ZNF606: variants seen among roughly 807,000 people sequenced by gnomAD.
ZNF606 encodes zinc finger protein 606, also known as zinc finger protein 328.
A neutral mutation model predicts 74.9 loss-of-function variants in ZNF606; 37 were observed. The observed-to-expected ratio is 0.49, with a 90% confidence interval of 0.38 to 0.65. ZNF606 has a LOEUF of 0.65. Among genes scored for constraint, ZNF606 ranks in the 30% least tolerant of loss-of-function variants. The pLI is 0.00. For missense variants in ZNF606, 852 were observed against 952.9 expected, an observed-to-expected ratio of 0.89 and a Z score of 1.39; for synonymous variants, 328 against 312.4, an observed-to-expected ratio of 1.05 and a Z score of -0.53.
chr19:58,002,682 G>A lies in ZNF606; in HGVS notation c.-338C>T, dbSNP rs1323523727. The A allele has an allele frequency of 4.4e-6, 2 of 454,620 alleles. No homozygotes were observed. Among genetic ancestry groups the A allele is most frequent in the Admixed American group, 2.4e-5 (1 of 42,460 alleles). The allele number at this position is 454,620 out of a possible 1,614,324, so 28.2% of individuals were successfully genotyped here. ...CGCAAAGCCGGCGCGGAAAGGGCAGGCGCAGGACCCACCCTGACGCCGCCT... is the reference window on the plus strand; with the variant it reads ...CGCAAAGCCGGCGCGGAAAGGGCAGACGCAGGACCCACCCTGACGCCGCCT... On this transcript the variant is annotated 5_prime_UTR_variant, in exon 1 of 7. Transcript: ENST00000551380.
chr19:57,985,202 A>G (rs1437767156), intron 6 of ZNF606, among the ~76,000 whole-genome samples: 1 of 152,222 alleles, frequency 6.6e-6, no homozygotes, highest in African/African-American at 2.4e-5. Flanking sequence ...AAATTTTAAT[A>G]AGAACAGTAA....
In ZNF606 at chr19:57,988,613, C is replaced by T. The variant is rs893594361; in HGVS notation, c.286G>A (p.Gly96Ser). 1.9e-6 allele frequency: 3 copies of T among 1,614,040 alleles called. No homozygotes were observed. The highest frequency in any genetic ancestry group is 2.7e-5 in the African/African-American group (2 of 75,046). ...GCCTTACCCACAGAGAGCAGGTGAC[C>T]ATAGGTCTCCAGCATCACATCACGG... ...LYRDVMLETY[G>S]HLLSVGNQIA... is the part of the protein sequence containing the mutation. Residue 96 changes from glycine (G) to serine (S), a missense_variant, in exon 5 of 7, where the codon GGT becomes AGT. By Grantham distance (56) the Gly-to-Ser change is moderately conservative. Around this residue, in one of 3 missense-constraint regions of ZNF606, gnomAD observed 545 missense variants for 542.5 expected, o/e 1.00. Coordinates refer to ENST00000551380, the MANE Select transcript of ZNF606 (RefSeq NM_001348022.3).
At position 57,977,457 on chromosome 19, in the gene ZNF606, T is replaced by C. The variant is rs1032708219; in HGVS notation, c.*844A>G. On this transcript the variant is annotated 3_prime_UTR_variant, in exon 7 of 7. Transcript: ENST00000551380. ...TTCAGGTCCTTACCCATATACATTT[T>C]TTTAGATGTGTTACAGTAAGTATGT... The C allele has an allele frequency of 3.9e-5, 6 of 152,244 alleles. No homozygotes were observed. The highest frequency in any genetic ancestry group is 1.4e-4 in the African/African-American group (6 of 41,466). The allele number at this position is 152,244 out of a possible 1,614,324, so 9.4% of individuals were successfully genotyped here. A position where few individuals can be genotyped will look rare whatever the true frequency, so the allele number is the denominator to read the frequency against.
intron 6 of ZNF606, among the ~76,000 whole-genome samples, chr19:57,987,811 G>C (rs1028635021): frequency 1.4e-4 from 21 of 152,202 alleles, no homozygotes; most frequent in South Asian, 2.1e-4. Context: ...CTGGGCGACA[G>C]AGCGAGACTT....
In ZNF606 at chr19:57,979,557, T is replaced by G. The variant is rs1290580952; in HGVS notation, c.1123A>C (p.Asn375His). The G allele has an allele frequency of 6.2e-7, 1 of 1,612,936 alleles. No homozygotes were observed. The highest frequency in any genetic ancestry group is 1.1e-5 in the South Asian group (1 of 90,782). Reference sequence around the variant, plus strand: ...TACCCAAAGACTTTCTCCCATTCATTGTATTTATACGCTTTCTCTACAGTA... The same window carrying G: ...TACCCAAAGACTTTCTCCCATTCATGGTATTTATACGCTTTCTCTACAGTA... ...IGTVEKAYKY[N>H]EWEKVFGYDS... is the part of the protein sequence containing the mutation. The change falls in exon 7 of 7, where the codon AAT becomes CAT. Residue 375 changes from asparagine to histidine, a missense_variant. Asn to His is a moderately conservative substitution (Grantham distance 68). Coordinates refer to ENST00000551380, the MANE Select transcript of ZNF606 (RefSeq NM_001348022.3).
intron 4 of ZNF606, among the ~76,000 whole-genome samples, chr19:57,992,073 C>T (rs1474762670): frequency 1.3e-5 from 2 of 152,212 alleles, no homozygotes; most frequent in African/African-American, 4.8e-5. Flanking sequence ...CCACCCCTCC[C>T]AAGACCCCAA....
chr19:57,999,991 C>G lies in ZNF606; in HGVS notation c.89-95G>C, dbSNP rs538457915. 104 of 1,095,116 alleles carry G rather than the reference C, an allele frequency of 9.5e-5. No homozygotes were observed. The Admixed American group carries it at 1.0e-3, about 11-fold the overall frequency. The allele number at this position is 1,095,116 out of a possible 1,614,324, so 67.8% of individuals were successfully genotyped here. A position where few individuals can be genotyped will look rare whatever the true frequency, so the allele number is the denominator to read the frequency against. On this transcript the variant is annotated intron_variant, in intron 3 of 6. Transcript: ENST00000551380. The stretch of plus-strand genomic sequence containing the variant: ...TGAGAACCAGCCCCTGCCCCTCCCC[C>G]TTGAATGAGGAAAGAGACCCACTTC...
intron 4 of ZNF606, among the ~76,000 whole-genome samples, chr19:57,990,154 A>G (rs913073875): frequency 1.3e-5 from 2 of 150,000 alleles, no homozygotes; most frequent in Non-Finnish European, 3.0e-5. Context: ...CAAGGTCAGG[A>G]GATTGAGACC....
chr19:57,988,802 T>C, intron 4 of ZNF606, 81 bp from the exon 5 acceptor site: 1 of 1,600,690 alleles, frequency 6.2e-7, no homozygotes, highest in Non-Finnish European at 8.5e-7. Flanking sequence ...CTGACAGCCC[T>C]GGGGAGAGAA....
At chr19:58,002,060 T>G in intron 1 of ZNF606, 1 of 416,722 alleles carries the variant, frequency 2.4e-6, no homozygotes, top group Non-Finnish European at 4.8e-6. Flanking sequence ...TATAAAGCAC[T>G]AGAACACACA....
At chr19:57,986,324 C>A (rs1001445945) in intron 6 of ZNF606, among the ~76,000 whole-genome samples, 1 of 152,060 alleles carries the variant, frequency 6.6e-6, no homozygotes, top group African/African-American at 2.4e-5. Flanking sequence ...TGGTTGTGTG[C>A]ACCTATAGTC....
Position 57,979,912 on chromosome 19 carries a change from T to C in ZNF606, c.768A>G (p.Ala256=), listed in dbSNP as rs1289870628. Residue 256 remains alanine (A), a synonymous_variant, in exon 7 of 7, where the codon GCA becomes GCG. Transcript: ENST00000551380. ...SWRCDSAIMY[A]DKVTCENNDY... ...CATTATTTTCACAGGTAACCTTATC[T>C]GCATACATTATGGCTGAGTCACATC... The C allele has an allele frequency of 6.2e-7, 1 of 1,614,018 alleles. No homozygotes were observed. Among genetic ancestry groups the C allele is most frequent in the African/African-American group, 1.3e-5 (1 of 75,060 alleles).
At chr19:57,980,360 T>C (rs1360028816) in intron 6 of ZNF606, 81 bp from the exon 7 acceptor site, 2 of 1,419,150 alleles carry the variant, frequency 1.4e-6, no homozygotes, top group African/African-American at 1.4e-5. Flanking sequence ...TTACTGTCCA[T>C]ATTATCAAAA....
chr19:57,984,048 C>T (rs2073129198), intron 6 of ZNF606, among the ~76,000 whole-genome samples: 1 of 151,990 alleles, frequency 6.6e-6, no homozygotes, highest in Non-Finnish European at 1.5e-5. Context: ...TGGAATTTTA[C>T]GAGAAAGGGG....
intron 1 of ZNF606, among the ~76,000 whole-genome samples, chr19:58,001,656 G>T (rs1023884417): frequency 1.3e-5 from 2 of 152,140 alleles, no homozygotes; most frequent in Non-Finnish European, 2.9e-5. Context: ...GGATTAATCT[G>T]ACAATTATTG....
chr19:57,990,583 C>G (rs11668979), intron 4 of ZNF606, among the ~76,000 whole-genome samples: 99,758 of 149,296 alleles, frequency 0.67, 33,657 homozygotes, highest in Middle Eastern at 0.73. Flanking sequence ...GACACCCGCT[C>G]AACAGACACG....
At chr19:57,993,344 C>CT (rs1030291541) in intron 4 of ZNF606, among the ~76,000 whole-genome samples, 16 of 151,014 alleles carry the variant, frequency 1.1e-4, no homozygotes, top group South Asian at 2.1e-4. Context: ...AAACAGTTGG[C>CT]TTTTTTTTTA....
intron 6 of ZNF606, among the ~76,000 whole-genome samples, chr19:57,984,637 GA>G (rs1375294188): frequency 6.6e-6 from 1 of 152,188 alleles, no homozygotes; most frequent in African/African-American, 2.4e-5. Flanking sequence ...GCTGCATAAA[GA>G]AACTCTGTTA....
Position 58,002,435 on chromosome 19 carries a change from C to G in ZNF606, c.-91G>C, listed in dbSNP as rs1389798861. ...GCGGTCCCCCTTGAAGGCGGCGCAG[C>G]AGGATCGGGGTCTGCCCGCCTGGGG... is the stretch of plus-strand genomic sequence containing the variant. On this transcript the variant is annotated 5_prime_UTR_variant, in exon 1 of 7. Coordinates refer to ENST00000551380, the MANE Select transcript of ZNF606 (RefSeq NM_001348022.3). 2.2e-6 allele frequency: 1 copy of G among 455,726 alleles called. No homozygotes were observed. The highest frequency in any genetic ancestry group is 7.0e-5 in the East Asian group (1 of 14,372). 28.2% of individuals were successfully genotyped at this position (455,726 alleles called of 1,614,324 possible).
Sources: allele counts gnomAD v4.1 joint callset (sites outside exome capture counted in the v4.1 genomes callset), GRCh38; gene constraint gnomAD v4.1.1; regional missense constraint gnomAD v4.1.1; transcripts MANE v1.5; gene names NCBI Gene and HGNC (gene_info 2026-07-23, HGNC 2026-07-21).